Variants in NFATC2 observed in about 807,000 individuals in gnomAD.
NFATC2 encodes the protein nuclear factor of activated T cells 2, also known as nuclear factor of activated T-cells, cytoplasmic 2.
NFATC2 carries 22 observed loss-of-function variants against 87.3 expected under a neutral mutation model. The observed-to-expected ratio is 0.25, with a 90% CI of 0.18 to 0.36. The LOEUF is 0.36. Ranked by LOEUF, NFATC2 falls within the 10% of genes least tolerant of loss-of-function variation. The pLI is 1.00. For missense variants in NFATC2, 1,149 were observed against 1,259.1 expected, an observed-to-expected ratio of 0.91 and a Z score of 1.32; for synonymous variants, 565 against 542.2, an observed-to-expected ratio of 1.04 and a Z score of -0.58.
At chr20:51,428,542 G>C (rs73910843) in intron 9 of NFATC2, among the ~76,000 whole-genome samples, 1,843 of 152,356 alleles carry the variant, frequency 0.012, 58 homozygotes, top group African/African-American at 0.042. Context: ...AGGCGGGAAG[G>C]GCTGAGATAA....
intron 3 of NFATC2, among the ~76,000 whole-genome samples, chr20:51,503,061 G>A (rs147434282): frequency 6.6e-6 from 1 of 152,266 alleles, no homozygotes; most frequent in African/African-American, 2.4e-5. Context: ...GATAATGACG[G>A]CAACAAAGAC....
intron 9 of NFATC2, among the ~76,000 whole-genome samples, chr20:51,419,417 C>T (rs1308454879): frequency 2.0e-5 from 3 of 152,132 alleles, no homozygotes; most frequent in African/African-American, 4.8e-5. Context: ...AAGGAAAGGG[C>T]GTGCCCTCCT....
intron 3 of NFATC2, among the ~76,000 whole-genome samples, chr20:51,507,914 G>A (rs999458799): frequency 2.0e-5 from 3 of 152,134 alleles, no homozygotes; most frequent in Admixed American, 6.5e-5. Context: ...GACTAACTAG[G>A]TCACTCTAAA....
upstream of NFATC2, among the ~76,000 whole-genome samples, chr20:51,547,168 G>A (rs2076896235): frequency 6.6e-6 from 1 of 152,176 alleles, no homozygotes; most frequent in African/African-American, 2.4e-5. Context: ...AATTGCAGGG[G>A]CAAGGGTTGA....
chr20:51,444,042 C>T lies in NFATC2; in HGVS notation c.1850-8281G>A, dbSNP rs147737894. ...TCATTGCCCAGGCAGGAGTCCATGG[C>T]GCGATCTCAGCTCACTGCAACCTCC... On this transcript the variant is annotated intron_variant, in intron 6 of 10. Coordinates refer to ENST00000371564, the MANE Select transcript of NFATC2 (RefSeq NM_012340.5). 4.9e-3 allele frequency among the ~76,000 whole-genome samples: 745 copies of T among 152,200 alleles called. 5 individuals carry two copies. Among genetic ancestry groups the T allele is most frequent in the African/African-American group, 0.017 (704 of 41,532 alleles).
At chr20:51,423,802 C>T (rs541315837) in intron 9 of NFATC2, among the ~76,000 whole-genome samples, 1 of 152,182 alleles carries the variant, frequency 6.6e-6, no homozygotes, top group African/African-American at 2.4e-5. Context: ...GGAATGAGGG[C>T]TGCGTGGACA....
At chr20:51,540,663 T>TTTTTTTTTTTTTTTTTTTTTTGTTTG (rs1555818354) in intron 1 of NFATC2, among the ~76,000 whole-genome samples, 1 of 135,690 alleles carries the variant, frequency 7.4e-6, no homozygotes, top group East Asian at 2.3e-4. Context: ...TTTTTGTTTT[T>TTTTTTTTTTTTTTTTTTTTTTGTTTG]TTTTTTTTGA....
At chr20:51,458,392 C>G (rs1018375546) in intron 5 of NFATC2, among the ~76,000 whole-genome samples, 1 of 152,064 alleles carries the variant, frequency 6.6e-6, no homozygotes, top group Non-Finnish European at 1.5e-5. Flanking sequence ...GGCTGGATAT[C>G]CCCTGGGGAA....
At chr20:51,497,299 TC>T in intron 3 of NFATC2, among the ~76,000 whole-genome samples, 1 of 152,046 alleles carries the variant, frequency 6.6e-6, no homozygotes. Flanking sequence ...TTCTTCTCCC[TC>T]CCGCAGCAAG....
At chr20:51,549,401 T>A (rs1239957964) in intron 1 of NFATC2, among the ~76,000 whole-genome samples, 1 of 152,202 alleles carries the variant, frequency 6.6e-6, no homozygotes, top group Non-Finnish European at 1.5e-5. Flanking sequence ...GCCTCCCGAA[T>A]AGCTGGGATT....
intron 9 of NFATC2, among the ~76,000 whole-genome samples, chr20:51,423,982 GTCCACA>G (rs1324319717): frequency 3.3e-5 from 5 of 152,188 alleles, no homozygotes; most frequent in Non-Finnish European, 5.9e-5. Flanking sequence ...GAAATGCAGA[GTCCACA>G]TCATTCGGGA....
At chr20:51,449,661 A>G (rs1056715195) in intron 6 of NFATC2, among the ~76,000 whole-genome samples, 3 of 152,168 alleles carry the variant, frequency 2.0e-5, no homozygotes. Flanking sequence ...TAAGCATAGA[A>G]CAGCAGAGTC....
At chr20:51,423,171 T>C (rs1238566621) in intron 9 of NFATC2, among the ~76,000 whole-genome samples, 1 of 150,596 alleles carries the variant, frequency 6.6e-6, no homozygotes, top group Non-Finnish European at 1.5e-5. Flanking sequence ...GTGCCTATAG[T>C]CCCAGCTACT....
intron 3 of NFATC2, among the ~76,000 whole-genome samples, chr20:51,504,458 G>T (rs1285310067): frequency 2.0e-5 from 3 of 152,178 alleles, no homozygotes; most frequent in Non-Finnish European, 2.9e-5. Context: ...TTTTCAAAAT[G>T]CTAGAGCAAC....
At chr20:51,519,740 C>A (rs2076411541) in intron 2 of NFATC2, among the ~76,000 whole-genome samples, 2 of 113,944 alleles carry the variant, frequency 1.8e-5, no homozygotes, top group South Asian at 6.6e-4. Flanking sequence ...ATGGTGAAAC[C>A]CCATCTCTAC....
intron 6 of NFATC2, among the ~76,000 whole-genome samples, chr20:51,436,393 A>ATT (rs11481937): frequency 0.14 from 20,562 of 142,334 alleles, 2,058 homozygotes; most frequent in East Asian, 0.31. Context: ...CTATCTTTCT[A>ATT]TTTTTTTTTT....
rs979585297 is a variant in NFATC2, at chr20:51,462,983, C to T, written c.1709-8295G>A. Among the ~76,000 whole-genome samples the T allele has an allele frequency of 3.9e-5, 6 of 152,336 alleles. No individual in the cohort carries two copies. The South Asian group carries it at 1.2e-3, about 32-fold the overall frequency. ...GGCCAGCCCAGGCAAGAAGGTTCCT[C>T]CCATTGGTCATCGTTCTGGCCCGAG... On this transcript the variant is annotated intron_variant, in intron 5 of 10. Transcript: ENST00000371564.
At chr20:51,412,996 G>GCC (rs56307156) in intron 9 of NFATC2, among the ~76,000 whole-genome samples, 140 of 85,996 alleles carry the variant, frequency 1.6e-3, no homozygotes, top group African/African-American at 6.4e-3. Flanking sequence ...CGCTCCCGCC[G>GCC]CCCCCCCCCC....
At chr20:51,468,173 G>T (rs1291153189) in intron 5 of NFATC2, among the ~76,000 whole-genome samples, 1 of 152,168 alleles carries the variant, frequency 6.6e-6, no homozygotes, top group Non-Finnish European at 1.5e-5. Flanking sequence ...TTGAGGAGGC[G>T]GCCTTGGCTG....
Sources: gnomAD v4.1 joint callset for allele counts (sites outside exome capture counted in the v4.1 genomes callset) on GRCh38, gnomAD v4.1.1 for gene constraint, MANE v1.5 for transcripts, NCBI Gene and HGNC (gene_info 2026-07-23, HGNC 2026-07-21) for gene names.